FZD7: variants seen among roughly 807,000 people sequenced by gnomAD.
FZD7 encodes the protein frizzled-7.
A neutral mutation model predicts 39.0 loss-of-function variants in FZD7; 21 were observed. That is an observed-to-expected ratio of 0.54 (90% CI 0.38 to 0.78). FZD7 has a LOEUF of 0.78. FZD7 is among the 30% of genes least tolerant of loss of function. FZD7 has a pLI of 0.00. For missense variants in FZD7, 695 were observed against 805.0 expected, an observed-to-expected ratio of 0.86 and a Z score of 1.65; for synonymous variants, 428 against 364.9, an observed-to-expected ratio of 1.17 and a Z score of -1.97.
chr2:202,036,265 G>A lies in FZD7; in HGVS notation c.1618G>A (p.Val540Ile), dbSNP rs754291190. The change falls in exon 1 of 1, where the codon GTC (valine) becomes ATC (isoleucine). Residue 540 changes from valine (V) to isoleucine (I), a missense_variant. Physicochemically the swap from Val to Ile is conservative, Grantham distance 29. Transcript: ENST00000286201. ...FMIKYLMTMI[V>I]GITTGFWIWS... ...GATCAAGTACCTGATGACCATGATC[G>A]TCGGCATCACCACTGGCTTCTGGAT... 6.2e-7 allele frequency: 1 copy of A among 1,613,414 alleles called. No homozygotes were observed. Among genetic ancestry groups the A allele is most frequent in the Non-Finnish European group, 8.5e-7 (1 of 1,179,932 alleles).
In FZD7 at chr2:202,034,714, C is replaced by A; in HGVS notation, c.67C>A (p.Leu23Met). Reference sequence around the variant, plus strand: ...CCTCTGTGCCCTGGTGCTGGCGCTGCTGGGCGCACTGTCCGCGGGCGCCGG... The same window carrying A: ...CCTCTGTGCCCTGGTGCTGGCGCTGATGGGCGCACTGTCCGCGGGCGCCGG... ...LGLCALVLAL[L>M]GALSAGAGAQ... is the part of the protein sequence containing the mutation. Residue 23 changes from leucine to methionine, a missense_variant, in exon 1 of 1, where the codon CTG becomes ATG. By Grantham distance (15) the Leu-to-Met change is conservative. Coordinates refer to ENST00000286201, the MANE Select transcript of FZD7 (RefSeq NM_003507.2). 7 of 1,610,680 alleles carry A rather than the reference C, an allele frequency of 4.3e-6. 1 individual carries two copies. In the Middle Eastern group the frequency reaches 8.8e-4, roughly 202 times the overall value.
At position 202,034,889 on chromosome 2, in the gene FZD7, T is replaced by A. The variant is rs1401825150; in HGVS notation, c.242T>A (p.Leu81His). 1 of 1,614,178 alleles carries A rather than the reference T, an allele frequency of 6.2e-7. No individual in the cohort carries two copies. The highest frequency in any genetic ancestry group is 8.5e-7 in the Non-Finnish European group (1 of 1,180,016). ...LGHTNQEDAG[L>H]EVHQFYPLVK... is the part of the protein sequence containing the mutation. ...CACACGAACCAAGAGGACGCGGGCC[T>A]CGAGGTGCACCAGTTCTACCCGCTG... Residue 81 changes from leucine (L) to histidine (H), a missense_variant, in exon 1 of 1, where the codon CTC becomes CAC. By Grantham distance (99) the Leu-to-His change is moderately conservative (BLOSUM62 -3). Transcript: ENST00000286201.
At position 202,034,971 on chromosome 2, in the gene FZD7, C is replaced by A. The variant is rs376859402; in HGVS notation, c.324C>A (p.Pro108=). The A allele has an allele frequency of 1.2e-6, 2 of 1,613,914 alleles. No homozygotes were observed. Among genetic ancestry groups the A allele is most frequent in the African/African-American group, 1.3e-5 (1 of 74,946 alleles). ...TTTTCTTATGCTCCATGTATGCGCC[C>A]GTGTGCACCGTGCTCGATCAGGCCA... The part of the protein sequence containing the change: ...LRFFLCSMYA[P]VCTVLDQAIP... The change falls in exon 1 of 1, where the codon CCC becomes CCA. Residue 108 remains proline, a synonymous_variant. Transcript: ENST00000286201.
At position 202,038,043 on chromosome 2, in the gene FZD7, C is replaced by A. The variant is rs982545386; in HGVS notation, c.*1671C>A. 1 of 167,054 alleles carries A rather than the reference C, an allele frequency of 6.0e-6. No homozygotes were observed. Among genetic ancestry groups the A allele is most frequent in the Non-Finnish European group, 1.5e-5 (1 of 68,122 alleles). 10.3% of individuals were successfully genotyped at this position (167,054 alleles called of 1,614,324 possible). A position where few individuals can be genotyped will look rare whatever the true frequency, so the allele number is the denominator to read the frequency against. ...CTACCCTCCAATCTTGCAACACTATCCTGTTTCTCAGAACAGTTTTTAAAT... is the reference window on the plus strand; with the variant it reads ...CTACCCTCCAATCTTGCAACACTATACTGTTTCTCAGAACAGTTTTTAAAT... On this transcript the variant is annotated 3_prime_UTR_variant, in exon 1 of 1. Transcript: ENST00000286201.
In FZD7 at chr2:202,035,702, T is replaced by C; in HGVS notation, c.1055T>C (p.Ile352Thr). The C allele has an allele frequency of 6.2e-7, 1 of 1,614,002 alleles. No homozygotes were observed. The highest frequency in any genetic ancestry group is 8.5e-7 in the Non-Finnish European group (1 of 1,180,036). Reference sequence around the variant, plus strand: ...TACTTCTTCGGCATGGCCAGCTCCATCTGGTGGGTCATTCTGTCTCTCACT... The same window carrying C: ...TACTTCTTCGGCATGGCCAGCTCCACCTGGTGGGTCATTCTGTCTCTCACT... Reference protein sequence around the residue: ...VLYFFGMASSIWWVILSLTWF... With the variant: ...VLYFFGMASSTWWVILSLTWF... The change falls in exon 1 of 1, where the codon ATC becomes ACC. Residue 352 changes from isoleucine (I) to threonine (T), a missense_variant. Transcript: ENST00000286201.
At position 202,035,572 on chromosome 2, in the gene FZD7, C is replaced by T. The variant is rs1038142339; in HGVS notation, c.925C>T (p.Leu309=). 6.2e-7 allele frequency: 1 copy of T among 1,613,994 alleles called. No individual in the cohort carries two copies. The highest frequency in any genetic ancestry group is 8.5e-7 in the Non-Finnish European group (1 of 1,180,026). The stretch of plus-strand genomic sequence containing the variant: ...CGTGGCGCACGTGGCCGGCTTCCTT[C>T]TAGAGGACCGCGCCGTGTGCGTGGA... The part of the protein sequence containing the change: ...VAVAHVAGFL[L]EDRAVCVERF... The change falls in exon 1 of 1, where the codon CTA becomes TTA. Residue 309 remains leucine, a synonymous_variant. Transcript: ENST00000286201.
At position 202,034,271 on chromosome 2, in the gene FZD7, G is replaced by T. The variant is rs923933204; in HGVS notation, c.-377G>T. On this transcript the variant is annotated 5_prime_UTR_variant, in exon 1 of 1. Coordinates refer to ENST00000286201, the MANE Select transcript of FZD7 (RefSeq NM_003507.2). ...CAGGCGCGGGGGGCGTGCGCGCTGC[G>T]GTGCGCCGGGGGTCCAGAGTCTTGG... 6.6e-6 allele frequency among the ~76,000 whole-genome samples: 1 copy of T among 151,774 alleles called. No homozygotes were observed. Among genetic ancestry groups the T allele is most frequent in the African/African-American group, 2.4e-5 (1 of 41,372 alleles).
rs1240002539 is a variant in FZD7 at position 202,034,315 on chromosome 2, C to T, written c.-333C>T. On this transcript the variant is annotated 5_prime_UTR_variant, in exon 1 of 1. Coordinates refer to ENST00000286201, the MANE Select transcript of FZD7 (RefSeq NM_003507.2). ...GTCTTGGGCAAACTTTGAAGGGTGC[C>T]GGAGCCGCTTGTTGCTCCTCGCGGC... 3.3e-5 allele frequency among the ~76,000 whole-genome samples: 5 copies of T among 151,852 alleles called. No individual in the cohort carries two copies. The highest frequency in any genetic ancestry group is 2.1e-4 in the South Asian group (1 of 4,826).
Position 202,035,927 on chromosome 2 carries a change from C to G in FZD7, c.1280C>G (p.Ala427Gly). 4 of 1,613,926 alleles carry G rather than the reference C, an allele frequency of 2.5e-6. No individual in the cohort carries two copies. Among genetic ancestry groups the G allele is most frequent in the Non-Finnish European group, 3.4e-6 (4 of 1,179,864 alleles). ...SVDALRGFVL[A>G]PLFVYLFIGT... ...GACGCGCTGCGGGGCTTCGTGCTGGCGCCTCTGTTCGTCTACCTCTTCATA... is the reference window on the plus strand; with the variant it reads ...GACGCGCTGCGGGGCTTCGTGCTGGGGCCTCTGTTCGTCTACCTCTTCATA... Residue 427 changes from alanine (A) to glycine (G), a missense_variant, in exon 1 of 1, where the codon GCG (alanine) becomes GGG (glycine). Ala to Gly is a moderately conservative substitution (Grantham distance 60, BLOSUM62 0). Transcript: ENST00000286201.
rs1688706200 is a variant in FZD7, at chr2:202,034,643, C to T, written c.-5C>T. On this transcript the variant is annotated 5_prime_UTR_variant, in exon 1 of 1. Transcript: ENST00000286201. ...CTGAGAGCACCGCTGCACTCGCGGC[C>T]GGCGATGCGGGACCCCGGCGCGGCC... The T allele has an allele frequency of 1.9e-6, 3 of 1,543,028 alleles. No individual in the cohort carries two copies. Among genetic ancestry groups the T allele is most frequent in the South Asian group, 1.3e-5 (1 of 79,226 alleles).
rs767120404 is a variant in FZD7 at position 202,034,782 on chromosome 2, C to T, written c.135C>T (p.Asp45=). 26 of 1,612,860 alleles carry T rather than the reference C, an allele frequency of 1.6e-5. No individual in the cohort carries two copies. Among genetic ancestry groups the T allele is most frequent in the South Asian group, 4.4e-5 (4 of 91,032 alleles). ...YHGEKGISVP[D]HGFCQPISIP... ...GAGAGAAGGGCATCTCCGTGCCGGACCACGGCTTCTGCCAGCCCATCTCCA... is the reference window on the plus strand; with the variant it reads ...GAGAGAAGGGCATCTCCGTGCCGGATCACGGCTTCTGCCAGCCCATCTCCA... The change falls in exon 1 of 1, where the codon GAC becomes GAT. Residue 45 remains aspartate (D), a synonymous_variant. Transcript: ENST00000286201.
Position 202,036,269 on chromosome 2 carries a change from G to T in FZD7, c.1622G>T (p.Gly541Val). The change falls in exon 1 of 1, where the codon GGC becomes GTC. Residue 541 changes from glycine (G) to valine (V), a missense_variant. Gly to Val is a moderately radical substitution (Grantham distance 109, BLOSUM62 -3). Transcript: ENST00000286201. ...MIKYLMTMIV[G>V]ITTGFWIWSG... ...AAGTACCTGATGACCATGATCGTCG[G>T]CATCACCACTGGCTTCTGGATCTGG... The T allele has an allele frequency of 6.2e-7, 1 of 1,613,440 alleles. No individual in the cohort carries two copies.
At position 202,033,860 on chromosome 2, in the gene FZD7, TC is replaced by T. The variant is rs1362072356; in HGVS notation, c.-787del. Among the ~76,000 whole-genome samples the T allele has an allele frequency of 5.3e-5, 8 of 150,754 alleles. No individual in the cohort carries two copies. The highest frequency in any genetic ancestry group is 1.2e-4 in the Non-Finnish European group (8 of 67,604). On this transcript the variant is annotated 5_prime_UTR_variant, in exon 1 of 1. Transcript: ENST00000286201. The stretch of plus-strand genomic sequence containing the variant: ...GACCAGCGCGACTCCGAGGCGTTAG[TC>T]GGCGCTCACTCCCGGCGGGCGGCGG...
In FZD7 at chr2:202,036,008, T is replaced by C. The variant is rs1209287192; in HGVS notation, c.1361T>C (p.Met454Thr). 1 of 1,614,030 alleles carries C rather than the reference T, an allele frequency of 6.2e-7. No individual in the cohort carries two copies. Residue 454 changes from methionine to threonine, a missense_variant, in exon 1 of 1, where the codon ATG becomes ACG. By Grantham distance (81) the Met-to-Thr change is moderately conservative (BLOSUM62 -1). Coordinates refer to ENST00000286201, the MANE Select transcript of FZD7 (RefSeq NM_003507.2). Reference protein sequence around the residue: ...FVSLFRIRTIMKHDGTKTEKL... With the variant: ...FVSLFRIRTITKHDGTKTEKL... ...TCCCTCTTCCGTATCCGCACCATCA[T>C]GAAACACGACGGCACCAAGACCGAG...
rs1688687980 is a variant in FZD7 at position 202,033,989 on chromosome 2, C to T, written c.-659C>T. ...CACGAGCGCCTCGCGGTTTCGGACGCAGTGTGACTGGGTTTCCAAAAAGAA... is the reference window on the plus strand; with the variant it reads ...CACGAGCGCCTCGCGGTTTCGGACGTAGTGTGACTGGGTTTCCAAAAAGAA... On this transcript the variant is annotated 5_prime_UTR_variant, in exon 1 of 1. Coordinates refer to ENST00000286201, the MANE Select transcript of FZD7 (RefSeq NM_003507.2). 6.6e-6 allele frequency among the ~76,000 whole-genome samples: 1 copy of T among 151,628 alleles called. No homozygotes were observed. Among genetic ancestry groups the T allele is most frequent in the Admixed American group, 6.6e-5 (1 of 15,220 alleles).
rs1001812619 is a variant in FZD7, at chr2:202,038,292, G to C, written c.*1920G>C. 4 of 167,000 alleles carry C rather than the reference G, an allele frequency of 2.4e-5. No homozygotes were observed. Among genetic ancestry groups the C allele is most frequent in the African/African-American group, 9.7e-5 (4 of 41,438 alleles). The allele number at this position is 167,000 out of a possible 1,614,324, so 10.3% of individuals were successfully genotyped here. A position where few individuals can be genotyped will look rare whatever the true frequency, so the allele number is the denominator to read the frequency against. ...AATTTGTAAAATAGAGATAAGTACA[G>C]TATGTATATTTTGTAAATCTCCCAT... On this transcript the variant is annotated 3_prime_UTR_variant, in exon 1 of 1. Transcript: ENST00000286201.
rs528669838 is a variant in FZD7 at position 202,034,457 on chromosome 2, C to T, written c.-191C>T. ...CGGCCCTGCGAGTGCAGGGCGGCGG[C>T]GTCTGCGGCGCCTTCGCGGCGCGGG... On this transcript the variant is annotated 5_prime_UTR_variant, in exon 1 of 1. Coordinates refer to ENST00000286201, the MANE Select transcript of FZD7 (RefSeq NM_003507.2). 4.6e-5 allele frequency: 16 copies of T among 350,060 alleles called. No homozygotes were observed. In the South Asian group the frequency reaches 1.8e-3, roughly 40 times the overall value. The allele number at this position is 350,060 out of a possible 1,614,324, so 21.7% of individuals were successfully genotyped here.
At position 202,034,085 on chromosome 2, in the gene FZD7, G is replaced by T. The variant is rs1438906638; in HGVS notation, c.-563G>T. Among the ~76,000 whole-genome samples the T allele has an allele frequency of 6.6e-6, 1 of 151,952 alleles. No homozygotes were observed. Among genetic ancestry groups the T allele is most frequent in the African/African-American group, 2.4e-5 (1 of 41,422 alleles). On this transcript the variant is annotated 5_prime_UTR_variant, in exon 1 of 1. Transcript: ENST00000286201. ...GCCGGCCGTTTGGCTGAAACTTGGG[G>T]CCGAGCTTTTGGGGCTGAAGAAGGA...
In FZD7 at chr2:202,035,582, G is replaced by A; in HGVS notation, c.935G>A (p.Arg312His). The A allele has an allele frequency of 6.2e-7, 1 of 1,614,122 alleles. No individual in the cohort carries two copies. The highest frequency in any genetic ancestry group is 1.1e-5 in the South Asian group (1 of 91,086). ...GTGGCCGGCTTCCTTCTAGAGGACC[G>A]CGCCGTGTGCGTGGAGCGCTTCTCG... is the stretch of plus-strand genomic sequence containing the variant. ...AHVAGFLLED[R>H]AVCVERFSDD... The change falls in exon 1 of 1, where the codon CGC (arginine) becomes CAC (histidine). Residue 312 changes from arginine to histidine, a missense_variant. Arg to His is a conservative substitution (Grantham distance 29). Transcript: ENST00000286201.
Sources: gnomAD v4.1 joint callset for allele counts (sites outside exome capture counted in the v4.1 genomes callset) on GRCh38, gnomAD v4.1.1 for gene constraint, MANE v1.5 for transcripts, NCBI Gene and HGNC (gene_info 2026-07-23, HGNC 2026-07-21) for gene names.